TTC17: variants seen among roughly 807,000 people sequenced by gnomAD.
The protein encoded by TTC17 is tetratricopeptide repeat protein 17.
Under a neutral mutation model 143.8 loss-of-function variants are expected in TTC17, and 58 were observed. The ratio of observed to expected loss-of-function variants is 0.40; its 90% confidence interval spans 0.33 to 0.50. The LOEUF is 0.50. Among genes scored for constraint, TTC17 ranks in the 20% least tolerant of loss-of-function variants. The probability of loss-of-function intolerance (pLI) is 0.49; values close to 1 mark genes in which losing one functional copy is unlikely to be tolerated. For missense variants in TTC17, 1,273 were observed against 1,392.5 expected, an observed-to-expected ratio of 0.91 and a Z score of 1.37; for synonymous variants, 501 against 497.8, an observed-to-expected ratio of 1.01 and a Z score of -0.09.
intron 22 of TTC17, chr11:43,490,874 A>C (rs1190760994): frequency 5.3e-5 from 8 of 151,438 alleles, no homozygotes; most frequent in Admixed American, 2.0e-4. Flanking sequence ...AAAAAAAAAA[A>C]AAAAAAAACC....
At position 43,382,159 on chromosome 11, in the gene TTC17, CTACT is replaced by C. The variant is rs553121334; in HGVS notation, c.249+2838_249+2841del. Reference sequence around the variant, plus strand: ...AGTGAAGGGTAAGGGAAAATCAATTCTACTGAAATTTTATATTCTTTTAAACTAT... The same window carrying C: ...AGTGAAGGGTAAGGGAAAATCAATTCGAAATTTTATATTCTTTTAAACTAT... On this transcript the variant is annotated intron_variant, in intron 2 of 23. Coordinates refer to ENST00000039989, the MANE Select transcript of TTC17 (RefSeq NM_018259.6). 9.2e-5 allele frequency among the ~76,000 whole-genome samples: 14 copies of C among 152,266 alleles called. No individual in the cohort carries two copies. In the South Asian group the frequency reaches 2.9e-3, roughly 32 times the overall value.
intron 21 of TTC17, among the ~76,000 whole-genome samples, chr11:43,472,373 C>T (rs943588280): frequency 2.0e-5 from 3 of 152,020 alleles, no homozygotes; most frequent in Non-Finnish European, 2.9e-5. Context: ...CATGCAAATA[C>T]AAGTAAAAAG....
chr11:43,457,610 C>T (rs1333365380), intron 21 of TTC17, among the ~76,000 whole-genome samples: 1 of 151,848 alleles, frequency 6.6e-6, no homozygotes, highest in Non-Finnish European at 1.5e-5. Context: ...GAAAAAAGTA[C>T]CTTTTCACCA....
chr11:43,415,363 T>C (rs1263128576), intron 16 of TTC17, among the ~76,000 whole-genome samples: 1 of 152,184 alleles, frequency 6.6e-6, no homozygotes, highest in Non-Finnish European at 1.5e-5. Flanking sequence ...GCACTTTCGT[T>C]ATTAGAACCT....
At chr11:43,385,033 C>G (rs1203460898) in intron 2 of TTC17, among the ~76,000 whole-genome samples, 1 of 152,150 alleles carries the variant, frequency 6.6e-6, no homozygotes, top group Non-Finnish European at 1.5e-5. Context: ...AACTCGGCCT[C>G]ATGGATATAA....
At position 43,397,460 on chromosome 11, in the gene TTC17, C is replaced by G. The variant is rs374386330; in HGVS notation, c.887C>G (p.Thr296Ser). The G allele has an allele frequency of 1.2e-6, 2 of 1,612,938 alleles. No individual in the cohort carries two copies. The highest frequency in any genetic ancestry group is 1.7e-6 in the Non-Finnish European group (2 of 1,179,908). Residue 296 changes from threonine to serine, a missense_variant, in exon 7 of 24, where the codon ACC (threonine) becomes AGC (serine). Around this residue, in one of 3 missense-constraint regions of TTC17, gnomAD observed 325 missense variants for 444.2 expected, o/e 0.73. Coordinates refer to ENST00000039989, the MANE Select transcript of TTC17 (RefSeq NM_018259.6). ...GCTCTGGATGACAGTGACTTCTTCA[C>G]CAGCTATTACACTTTGGGGAATATA... The part of the protein sequence containing the change: ...HAALDDSDFF[T>S]SYYTLGNIYA...
At chr11:43,476,985 C>T (rs1948196895) in intron 21 of TTC17, among the ~76,000 whole-genome samples, 2 of 152,298 alleles carry the variant, frequency 1.3e-5, no homozygotes, top group Non-Finnish European at 1.5e-5. Context: ...ATGCCTTTAA[C>T]AGCACCCAAG....
chr11:43,366,111 G>A (rs779912009), intron 1 of TTC17, among the ~76,000 whole-genome samples: 5 of 151,872 alleles, frequency 3.3e-5, no homozygotes, highest in African/African-American at 4.8e-5. Flanking sequence ...CTCCCGAGTA[G>A]CTGGGACTAG....
intron 2 of TTC17, among the ~76,000 whole-genome samples, chr11:43,388,936 A>G (rs1230663318): frequency 6.6e-6 from 1 of 151,402 alleles, no homozygotes; most frequent in African/African-American, 2.4e-5. Context: ...TGATCGCACT[A>G]CTGCACTCAG....
At chr11:43,433,949 A>T (rs769873595) in intron 16 of TTC17, among the ~76,000 whole-genome samples, 1 of 152,116 alleles carries the variant, frequency 6.6e-6, no homozygotes, top group Non-Finnish European at 1.5e-5. Context: ...CTTCATAATA[A>T]ATTATACTCA....
intron 16 of TTC17, among the ~76,000 whole-genome samples, chr11:43,431,586 T>A (rs1947159720): frequency 6.6e-6 from 1 of 152,262 alleles, no homozygotes; most frequent in South Asian, 2.1e-4. Context: ...TGGGATAACT[T>A]ACTATTCCAG....
intron 1 of TTC17, among the ~76,000 whole-genome samples, chr11:43,377,065 G>T (rs148419969): frequency 6.6e-6 from 1 of 152,060 alleles, no homozygotes; most frequent in Non-Finnish European, 1.5e-5. Context: ...GGGCCGAGGC[G>T]GGCGAATCAC....
rs538290589 is a variant in TTC17 at position 43,391,972 on chromosome 11, A to C, written c.663+20A>C. The C allele has an allele frequency of 1.3e-5, 21 of 1,591,032 alleles. No homozygotes were observed. The South Asian group carries it at 2.2e-4, about 17-fold the overall frequency. On this transcript the variant is annotated intron_variant, in intron 5 of 23. Coordinates refer to ENST00000039989, the MANE Select transcript of TTC17 (RefSeq NM_018259.6). ...CAGAAGGTAAGTCATCAGTCACTTA[A>C]AGAGCCAGCGGGCTGAGCCAGCGGG...
At chr11:43,406,347 C>T (rs1324996157) in intron 13 of TTC17, among the ~76,000 whole-genome samples, 1 of 152,112 alleles carries the variant, frequency 6.6e-6, no homozygotes, top group Non-Finnish European at 1.5e-5. Flanking sequence ...GCCTTATCAA[C>T]CCTGCTGTGA....
chr11:43,405,291 A>G (rs908545672), intron 11 of TTC17, among the ~76,000 whole-genome samples: 1 of 152,138 alleles, frequency 6.6e-6, no homozygotes, highest in African/African-American at 2.4e-5. Flanking sequence ...CACTGGCTCA[A>G]CTGGCTTATA....
intron 1 of TTC17, 44 bp from the exon 2 acceptor site, chr11:43,379,189 C>A: frequency 6.5e-7 from 1 of 1,538,280 alleles, no homozygotes; most frequent in African/African-American, 1.4e-5. Flanking sequence ...TCCAAACCAG[C>A]ATTAATGAAA....
At chr11:43,364,576 A>G (rs1207241710) in intron 1 of TTC17, among the ~76,000 whole-genome samples, 2 of 152,166 alleles carry the variant, frequency 1.3e-5, no homozygotes, top group African/African-American at 4.8e-5. Flanking sequence ...GTTATTCACT[A>G]ATTTGCTAGG....
At chr11:43,391,083 A>T (rs1590343304) in intron 3 of TTC17, among the ~76,000 whole-genome samples, 1 of 152,140 alleles carries the variant, frequency 6.6e-6, no homozygotes, top group Non-Finnish European at 1.5e-5. Context: ...CTATGAGAAT[A>T]TGGGGAAAAT....
chr11:43,413,843 C>T lies in TTC17; in HGVS notation c.2065-747C>T, dbSNP rs531747512. Among the ~76,000 whole-genome samples, 5 of 152,266 alleles carry T rather than the reference C, an allele frequency of 3.3e-5. No homozygotes were observed. In the East Asian group the frequency reaches 9.7e-4, roughly 29 times the overall value. ...CAGAGTCTCTGAATTCTCACACTTG[C>T]TGGTAGGAGTGTAAATTTGTGCATC... On this transcript the variant is annotated intron_variant, in intron 15 of 23. Transcript: ENST00000039989.
Sources: gnomAD v4.1 joint callset for allele counts (sites outside exome capture counted in the v4.1 genomes callset) on GRCh38, gnomAD v4.1.1 for gene constraint, gnomAD v4.1.1 regional missense constraint, MANE v1.5 for transcripts, NCBI Gene and HGNC (gene_info 2026-07-23, HGNC 2026-07-21) for gene names.